The following NFIX variants were observed in gnomAD, a reference collection of about 807,000 sequenced individuals.
The protein encoded by NFIX is nuclear factor 1 X-type.
Under a neutral mutation model 53.3 loss-of-function variants are expected in NFIX, and 2 were observed. That is an observed-to-expected ratio of 0.04 (90% CI 0.02 to 0.12). The LOEUF is 0.12. Among genes scored for constraint, NFIX ranks in the 10% least tolerant of loss-of-function variants. The pLI is 1.00. For missense variants in NFIX, 310 were observed against 674.5 expected, an observed-to-expected ratio of 0.46 and a Z score of 5.99; for synonymous variants, 244 against 289.0, an observed-to-expected ratio of 0.84 and a Z score of 1.58.
intron 2 of NFIX, among the ~76,000 whole-genome samples, chr19:13,047,579 G>A (rs912612775): frequency 6.6e-6 from 1 of 152,122 alleles, no homozygotes; most frequent in Non-Finnish European, 1.5e-5. Flanking sequence ...ATTCCTCTTC[G>A]GTGCCAGAAA....
intron 2 of NFIX, among the ~76,000 whole-genome samples, chr19:13,056,536 G>T (rs530894706): frequency 1.3e-5 from 2 of 152,148 alleles, no homozygotes; most frequent in Non-Finnish European, 2.9e-5. Flanking sequence ...AAGATCCTGC[G>T]TGGAGTCCCG....
At position 13,022,738 on chromosome 19, in the gene NFIX, C is replaced by T. The variant is rs2013011150; in HGVS notation, c.28-2283C>T. 6.6e-6 allele frequency among the ~76,000 whole-genome samples: 1 copy of T among 152,124 alleles called. No individual in the cohort carries two copies. The highest frequency in any genetic ancestry group is 1.5e-5 in the Non-Finnish European group (1 of 67,998). Reference sequence around the variant, plus strand: ...TCCCGCCCGCCAGCCCGCCGGGAGTCAGGCCTTTATTTATTTATTTTTCAG... The same window carrying T: ...TCCCGCCCGCCAGCCCGCCGGGAGTTAGGCCTTTATTTATTTATTTTTCAG... On this transcript the variant is annotated intron_variant, in intron 1 of 10. Transcript: ENST00000592199. This position sits in a 1 kb window ranked among gnomAD's most constrained non-coding sequence, Gnocchi z 4.5.
intron 2 of NFIX, among the ~76,000 whole-genome samples, chr19:13,058,994 T>G (rs1391394062): frequency 1.3e-5 from 2 of 152,052 alleles, no homozygotes; most frequent in Non-Finnish European, 2.9e-5. Flanking sequence ...TCTTGTCCCA[T>G]CCCCCATCCT....
At position 13,066,745 on chromosome 19, in the gene NFIX, GTGTT is replaced by G. The variant is rs888228325; in HGVS notation, c.560-6298_560-6295del. On this transcript the variant is annotated intron_variant, in intron 2 of 10. Coordinates refer to ENST00000592199, the MANE Select transcript of NFIX (RefSeq NM_001365902.3). This position sits in a 1 kb window ranked among gnomAD's most constrained non-coding sequence, Gnocchi z 4.2. The stretch of plus-strand genomic sequence containing the variant: ...AGGATGTGTGTGTGCATGTGTGTGT[GTGTT>G]TGTGCACATGTGTGTGTGCACATGC... Among the ~76,000 whole-genome samples the G allele has an allele frequency of 4.6e-5, 7 of 152,252 alleles. No homozygotes were observed. In the East Asian group the frequency reaches 5.8e-4, roughly 13 times the overall value.
At chr19:13,033,020 T>C (rs757276224) in intron 2 of NFIX, among the ~76,000 whole-genome samples, 3 of 151,456 alleles carry the variant, frequency 2.0e-5, no homozygotes, top group Admixed American at 6.6e-5. Flanking sequence ...AGTGTGCCCA[T>C]TGGGTGAGGG....
intron 1 of NFIX, chr19:13,023,822 A>G (rs1599734608): frequency 7.1e-6 from 1 of 140,246 alleles, no homozygotes; most frequent in South Asian, 2.4e-4. Context: ...GCAATGGAGC[A>G]TGGGGGGGGG....
intron 2 of NFIX, among the ~76,000 whole-genome samples, chr19:13,058,733 G>A (rs2015870823): frequency 6.6e-6 from 1 of 151,916 alleles, no homozygotes; most frequent in South Asian, 2.1e-4. Flanking sequence ...AAAGCTCAGG[G>A]CCCGGATACT....
At chr19:13,059,592 C>A (rs891106578) in intron 2 of NFIX, among the ~76,000 whole-genome samples, 1 of 152,156 alleles carries the variant, frequency 6.6e-6, no homozygotes, top group Non-Finnish European at 1.5e-5. Flanking sequence ...AGTGGACACA[C>A]TTCTTGGCCA....
rs1335416394 is a variant in NFIX, at chr19:13,014,863, G to A, written c.28-10158G>A. On this transcript the variant is annotated intron_variant, in intron 1 of 10. Transcript: ENST00000592199. This position sits in a 1 kb window ranked among gnomAD's most constrained non-coding sequence, Gnocchi z 4.4. Reference sequence around the variant, plus strand: ...CAGGGCTGCAGAGGTTCGGCTCTGGGCTGGTGGTAGGGGGCTGGTGGTAGG... The same window carrying A: ...CAGGGCTGCAGAGGTTCGGCTCTGGACTGGTGGTAGGGGGCTGGTGGTAGG... Among the ~76,000 whole-genome samples the A allele has an allele frequency of 1.3e-5, 2 of 151,796 alleles. No homozygotes were observed. Among genetic ancestry groups the A allele is most frequent in the African/African-American group, 4.9e-5 (2 of 41,088 alleles).
At chr19:13,055,943 C>T (rs534985472) in intron 2 of NFIX, among the ~76,000 whole-genome samples, 7 of 152,310 alleles carry the variant, frequency 4.6e-5, no homozygotes, top group East Asian at 1.9e-4. Flanking sequence ...ACCCCCCAGT[C>T]GCCCCTCAAC....
chr19:13,037,511 TAA>T lies in NFIX; in HGVS notation c.559+11960_559+11961del, dbSNP rs1055010053. Among the ~76,000 whole-genome samples the T allele has an allele frequency of 3.3e-5, 5 of 152,150 alleles. No individual in the cohort carries two copies. Among genetic ancestry groups the T allele is most frequent in the African/African-American group, 1.2e-4 (5 of 41,416 alleles). On this transcript the variant is annotated intron_variant, in intron 2 of 10. Transcript: ENST00000592199. This position sits in a 1 kb window ranked among gnomAD's most constrained non-coding sequence, Gnocchi z 4.2. ...CCAGAAGAAACTATGAGGTGGGATA[TAA>T]TCTTTTTAGGTGTATGGGAGATTGC...
intron 2 of NFIX, among the ~76,000 whole-genome samples, chr19:13,056,056 C>T (rs187233893): frequency 2.6e-4 from 40 of 152,286 alleles, no homozygotes; most frequent in African/African-American, 9.6e-4. Flanking sequence ...AACGAGCTAG[C>T]AGGCTTGGGG....
intron 2 of NFIX, among the ~76,000 whole-genome samples, chr19:13,061,267 C>A (rs997390811): frequency 1.3e-5 from 2 of 152,232 alleles, no homozygotes; most frequent in African/African-American, 4.8e-5. Context: ...CCGGCCCATG[C>A]ACCGCAAGCT....
chr19:13,015,066 G>A (rs983116890), intron 1 of NFIX, among the ~76,000 whole-genome samples: 1 of 152,212 alleles, frequency 6.6e-6, no homozygotes, highest in African/African-American at 2.4e-5. Flanking sequence ...CCTTTGAGGT[G>A]CAAAGGGAGC....
In NFIX at chr19:13,078,585, G is replaced by T. The variant is rs553189141; in HGVS notation, c.956-28G>T. ...CACCCACCCCAGCCCAGCTAAACCT[G>T]CCCTGTGTTGCTGCTTCCTCCCCCC... is the stretch of plus-strand genomic sequence containing the variant. On this transcript the variant is annotated intron_variant, in intron 6 of 10. Transcript: ENST00000592199. The surrounding 1 kb of genome is among the most constrained non-coding windows in gnomAD (Gnocchi z 4.7). 15 of 1,586,500 alleles carry T rather than the reference G, an allele frequency of 9.5e-6. No individual in the cohort carries two copies. The highest frequency in any genetic ancestry group is 1.7e-4 in the Middle Eastern group (1 of 5,920).
rs1162112677 is a variant in NFIX at position 13,081,564 on chromosome 19, T to C, written c.1079-116T>C. 1 of 1,085,548 alleles carries C rather than the reference T, an allele frequency of 9.2e-7. No homozygotes were observed. The highest frequency in any genetic ancestry group is 1.6e-5 in the African/African-American group (1 of 63,348). The allele number at this position is 1,085,548 out of a possible 1,614,324, so 67.2% of individuals were successfully genotyped here. On this transcript the variant is annotated intron_variant, in intron 7 of 10. Transcript: ENST00000592199. This position sits in a 1 kb window ranked among gnomAD's most constrained non-coding sequence, Gnocchi z 4.7. ...AACTTTTGTGCCTGTGGCGGCTGCC[T>C]TACCTGCTCAGGATCCTCAGGACCC...
At chr19:13,086,814 C>G (rs1218576904) in intron 8 of NFIX, among the ~76,000 whole-genome samples, 2 of 152,156 alleles carry the variant, frequency 1.3e-5, no homozygotes, top group Non-Finnish European at 2.9e-5. Flanking sequence ...CAGGGGAGCC[C>G]CATACACCAG....
chr19:13,026,981 G>A, intron 2 of NFIX, among the ~76,000 whole-genome samples: 1 of 152,242 alleles, frequency 6.6e-6, no homozygotes, highest in Non-Finnish European at 1.5e-5. Flanking sequence ...GAAGTTGGGA[G>A]GAATGATATA....
intron 8 of NFIX, among the ~76,000 whole-genome samples, chr19:13,085,872 G>A (rs570835708): frequency 2.6e-5 from 4 of 152,356 alleles, no homozygotes; most frequent in Non-Finnish European, 5.9e-5. Context: ...TCGATCCCAC[G>A]TGCTTAGTGG....
Sources: gnomAD v4.1 joint callset for allele counts (sites outside exome capture counted in the v4.1 genomes callset) on GRCh38, gnomAD v4.1.1 for gene constraint, Gnocchi (gnomAD v3.1) non-coding constraint, MANE v1.5 for transcripts, NCBI Gene and HGNC (gene_info 2026-07-23, HGNC 2026-07-21) for gene names.